MYH15: variants seen among roughly 807,000 people sequenced by gnomAD.
MYH15 encodes myosin heavy chain 15, also known as myosin-15.
In MYH15, 227 loss-of-function variants were observed where a neutral mutation model predicts 240.5. That is an observed-to-expected ratio of 0.94 (90% CI 0.85 to 1.05). The LOEUF (loss-of-function observed/expected upper bound fraction) is 1.05. MYH15 is among the 50% of genes least tolerant of loss of function. MYH15 has a pLI of 0.00. For synonymous variants in MYH15, 785 were observed against 796.7 expected, an observed-to-expected ratio of 0.99 and a Z score of 0.25; for missense variants, 2,217 against 2,247.5, an observed-to-expected ratio of 0.99 and a Z score of 0.27.
At chr3:108,450,265 C>G (rs1576240831) in intron 21 of MYH15, among the ~76,000 whole-genome samples, 2 of 152,074 alleles carry the variant, frequency 1.3e-5, no homozygotes, top group Admixed American at 1.3e-4. Flanking sequence ...GTTCATTGTA[C>G]TATTATTTGC....
intron 7 of MYH15, among the ~76,000 whole-genome samples, chr3:108,495,499 T>C (rs2083383193): frequency 6.6e-6 from 1 of 152,204 alleles, no homozygotes; most frequent in South Asian, 2.1e-4. Context: ...ATTTTTTGGA[T>C]GAGCTTCTCT....
chr3:108,500,879 G>A (rs2083431617), intron 3 of MYH15, among the ~76,000 whole-genome samples: 1 of 152,198 alleles, frequency 6.6e-6, no homozygotes, highest in African/African-American at 2.4e-5. Context: ...AAGGTGATGT[G>A]ACAATGCAGG....
chr3:108,473,048 C>A (rs1270366779), intron 12 of MYH15, among the ~76,000 whole-genome samples: 6 of 152,100 alleles, frequency 3.9e-5, no homozygotes, highest in Non-Finnish European at 7.4e-5. Context: ...TGCTCTGTTG[C>A]CCAGGCTGGA....
chr3:108,417,796 TAC>T (rs34957697), intron 28 of MYH15, among the ~76,000 whole-genome samples: 49,040 of 146,534 alleles, frequency 0.33, 9,137 homozygotes, highest in Non-Finnish European at 0.45. Flanking sequence ...TATATATATA[TAC>T]ACACACACAC....
At position 108,441,036 on chromosome 3, in the gene MYH15, C is replaced by G; in HGVS notation, c.2880G>C (p.Lys960Asn). The G allele has an allele frequency of 1.2e-6, 2 of 1,614,164 alleles. No individual in the cohort carries two copies. Among genetic ancestry groups the G allele is most frequent in the Non-Finnish European group, 1.7e-6 (2 of 1,179,992 alleles). The change falls in exon 23 of 41, where the codon AAG becomes AAC. Residue 960 changes from lysine (K) to asparagine (N), a missense_variant. Transcript: ENST00000693548. Reference protein sequence around the residue: ...ETMLVKSEKEKRTTEHKVKNL... With the variant: ...ETMLVKSEKENRTTEHKVKNL... ...AAAGTACCTTGTGCTCTGTAGTACGCTTCTCCTTCTCTGACTTCACCAACA... is the reference window on the plus strand; with the variant it reads ...AAAGTACCTTGTGCTCTGTAGTACGGTTCTCCTTCTCTGACTTCACCAACA...
Position 108,521,812 on chromosome 3 carries a change from T to A in MYH15, c.-58+7451A>T, listed in dbSNP as rs141446503. Among the ~76,000 whole-genome samples the A allele has an allele frequency of 6.5e-3, 991 of 152,280 alleles. 9 individuals are homozygous for A. The highest frequency in any genetic ancestry group is 0.022 in the African/African-American group (933 of 41,554). On this transcript the variant is annotated intron_variant, in intron 1 of 41. Coordinates refer to the MYH15 transcript ENST00000273353. ...AATAGATACAGCGCCCTGGCTGGCT[T>A]TTTGTTCACAGGAAATGGACATTAA...
chr3:108,402,921 A>G (rs1270586152), intron 33 of MYH15, among the ~76,000 whole-genome samples: 1 of 152,210 alleles, frequency 6.6e-6, no homozygotes, highest in Non-Finnish European at 1.5e-5. Flanking sequence ...GGGAAGATCA[A>G]AGCCAGCTAC....
intron 21 of MYH15, among the ~76,000 whole-genome samples, chr3:108,451,243 G>A (rs2082971216): frequency 1.3e-5 from 2 of 152,194 alleles, no homozygotes; most frequent in South Asian, 4.1e-4. Flanking sequence ...AGCCAGGTGT[G>A]GAGGCACACG....
At chr3:108,520,756 G>T (rs2083611810) in intron 1 of MYH15, among the ~76,000 whole-genome samples, 1 of 152,094 alleles carries the variant, frequency 6.6e-6, no homozygotes, top group African/African-American at 2.4e-5. Flanking sequence ...CAGTGATTTG[G>T]AGCAATTAAG....
At chr3:108,392,601 A>G (rs1271674951) in intron 36 of MYH15, among the ~76,000 whole-genome samples, 1 of 152,176 alleles carries the variant, frequency 6.6e-6, no homozygotes, top group African/African-American at 2.4e-5. Flanking sequence ...CAGGTTACCA[A>G]CCATCTGCAG....
chr3:108,414,504 T>C, intron 29 of MYH15, 76 bp from the exon 30 acceptor site: 1 of 1,368,378 alleles, frequency 7.3e-7, no homozygotes. Context: ...GCTAATTTTT[T>C]TTTTAGGTAA....
chr3:108,382,579 A>G (rs1291409163), intron 40 of MYH15, among the ~76,000 whole-genome samples: 1 of 152,080 alleles, frequency 6.6e-6, no homozygotes, highest in Non-Finnish European at 1.5e-5. Context: ...TTTGGAGTGA[A>G]CTCTTTCCAT....
At chr3:108,479,506 A>G (rs1053562431) in intron 11 of MYH15, among the ~76,000 whole-genome samples, 11 of 152,200 alleles carry the variant, frequency 7.2e-5, no homozygotes, top group Non-Finnish European at 1.5e-4. Flanking sequence ...GTAGTCCTCA[A>G]CTTTGACTGC....
chr3:108,550,955 G>T, the MYH15 span: 53 of 348,724 alleles, frequency 1.5e-4, no homozygotes, highest in African/African-American at 9.3e-4. Context: ...GAAACAAAAA[G>T]TAAAACTTAG....
intron 14 of MYH15, among the ~76,000 whole-genome samples, chr3:108,466,005 T>C (rs1031833478): frequency 5.9e-5 from 9 of 152,150 alleles, no homozygotes; most frequent in African/African-American, 1.9e-4. Context: ...TAAAGGACCA[T>C]ATAGTTTCTG....
At chr3:108,389,346 C>A (rs2082406860) in intron 37 of MYH15, among the ~76,000 whole-genome samples, 1 of 152,098 alleles carries the variant, frequency 6.6e-6, no homozygotes, top group Non-Finnish European at 1.5e-5. Context: ...AAAACCACAC[C>A]CAAAGTGTAT....
the MYH15 span, among the ~76,000 whole-genome samples, chr3:108,537,098 G>A: frequency 1.3e-5 from 2 of 152,330 alleles, no homozygotes; most frequent in African/African-American, 4.8e-5. Flanking sequence ...TTGCCAATTT[G>A]AGAAATCCAC....
intron 2 of MYH15, among the ~76,000 whole-genome samples, chr3:108,503,772 T>C (rs1225384356): frequency 2.0e-5 from 3 of 152,200 alleles, no homozygotes; most frequent in Admixed American, 2.0e-4. Flanking sequence ...ATAGAGTTAC[T>C]ATATGATCCA....
chr3:108,540,254 G>T, the MYH15 span, among the ~76,000 whole-genome samples: 5 of 152,148 alleles, frequency 3.3e-5, no homozygotes, highest in African/African-American at 1.2e-4. Flanking sequence ...TGAATAAAAT[G>T]TTAGCTAAAG....
Sources: allele counts gnomAD v4.1 joint callset (sites outside exome capture counted in the v4.1 genomes callset), GRCh38; gene constraint gnomAD v4.1.1; transcripts MANE v1.5; gene names NCBI Gene and HGNC (gene_info 2026-07-23, HGNC 2026-07-21).